The following LARP7 variants were observed in gnomAD, a reference collection of about 807,000 sequenced individuals.
LARP7 encodes La ribonucleoprotein 7, transcriptional regulator.
In LARP7, 52 loss-of-function variants were observed where a neutral mutation model predicts 69.3. The observed-to-expected ratio is 0.75, with a 90% CI of 0.60 to 0.95. LARP7 has a LOEUF of 0.95. Among genes scored for constraint, LARP7 ranks in the 40% least tolerant of loss-of-function variants. LARP7 has a pLI of 0.00. For synonymous variants in LARP7, 254 were observed against 215.9 expected (o/e 1.18, Z -1.55); for missense variants, 733 against 673.0 (o/e 1.09, Z -0.99).
chr4:112,656,879 T>C lies in LARP7; in HGVS notation c.1669-368T>C, dbSNP rs2048976087. Among the ~76,000 whole-genome samples, 3 of 152,204 alleles carry C rather than the reference T, an allele frequency of 2.0e-5. No individual in the cohort carries two copies. The South Asian group carries it at 6.2e-4, about 31-fold the overall frequency. On this transcript the variant is annotated intron_variant, in intron 12 of 12. Coordinates refer to ENST00000344442, the MANE Select transcript of LARP7 (RefSeq NM_016648.4). ...TTTTTTAGAGAAAAAGATTTGCATT[T>C]ACTCCAAAGTTTAATATTTTAACTT...
At chr4:112,641,463 G>A (rs952974592) in intron 1 of LARP7, among the ~76,000 whole-genome samples, 9 of 152,080 alleles carry the variant, frequency 5.9e-5, no homozygotes, top group Non-Finnish European at 1.0e-4. Flanking sequence ...ATATTTAAAT[G>A]GTAATTCTAT....
chr4:112,640,060 T>G (rs1490119074), intron 1 of LARP7, among the ~76,000 whole-genome samples: 1 of 152,094 alleles, frequency 6.6e-6, no homozygotes, highest in Non-Finnish European at 1.5e-5. Context: ...TGCCTCAGCC[T>G]CCCGAGTAGC....
In LARP7 at chr4:112,647,788, A is replaced by G; in HGVS notation, c.1096A>G (p.Arg366Gly). The change falls in exon 8 of 13, where the codon AGA becomes GGA. Residue 366 changes from arginine to glycine, a missense_variant. Physicochemically the swap from Arg to Gly is moderately radical, Grantham distance 125. Coordinates refer to ENST00000344442, the MANE Select transcript of LARP7 (RefSeq NM_016648.4). ...KRKHKKKHKE[R>G]HKMGEEVIPL... ...GAAACATAAGAAAAAACATAAAGAG[A>G]GACATAAAATGGGAGAAGAAGTTAT... 1.3e-6 allele frequency: 2 copies of G among 1,586,744 alleles called. No homozygotes were observed. The highest frequency in any genetic ancestry group is 1.1e-5 in the South Asian group (1 of 87,640).
At chr4:112,642,792 G>A (rs989144195) in intron 1 of LARP7, among the ~76,000 whole-genome samples, 1 of 152,190 alleles carries the variant, frequency 6.6e-6, no homozygotes. Context: ...ACTTTGACAC[G>A]TGAAAGCTTT....
chr4:112,645,973 A>G (rs995089068), intron 2 of LARP7, among the ~76,000 whole-genome samples: 47 of 151,360 alleles, frequency 3.1e-4, no homozygotes, highest in African/African-American at 1.1e-3. Flanking sequence ...CAAATATGCA[A>G]TGCCATTTAG....
intron 8 of LARP7, chr4:112,648,090 A>G: frequency 1.7e-6 from 1 of 590,714 alleles, no homozygotes. Flanking sequence ...TAACAGATGT[A>G]AAAATACAAA....
chr4:112,653,238 T>C lies in LARP7; in HGVS notation c.1576+2T>C. On this transcript the variant is annotated splice_donor_variant, in intron 11 of 12. Transcript: ENST00000344442. LOFTEE classifies it high-confidence loss of function. The stretch of plus-strand genomic sequence containing the variant: ...GCTGGAAACTCGAGATCCTTTCTGG[T>C]AAAACTTCATAGACGTTTCCTTTTT... 1 of 1,573,962 alleles carries C rather than the reference T, an allele frequency of 6.4e-7. No homozygotes were observed. The highest frequency in any genetic ancestry group is 8.6e-7 in the Non-Finnish European group (1 of 1,167,058).
At chr4:112,645,184 A>G in intron 2 of LARP7, among the ~76,000 whole-genome samples, 1 of 151,984 alleles carries the variant, frequency 6.6e-6, no homozygotes, top group Non-Finnish European at 1.5e-5. Flanking sequence ...TGACCTTGTG[A>G]TCTGCCCACC....
chr4:112,644,316 G>A (rs1578565121), intron 1 of LARP7: 1 of 317,136 alleles, frequency 3.2e-6, no homozygotes, highest in African/African-American at 2.2e-5. Flanking sequence ...TGGAGAGGAG[G>A]GGGTGTTGCG....
intron 1 of LARP7, chr4:112,644,333 AGTGTCCAC>A: frequency 3.1e-6 from 1 of 319,276 alleles, no homozygotes; most frequent in Non-Finnish European, 5.5e-6. Context: ...TGCGATGGAG[AGTGTCCAC>A]GTCCCTTAAT....
rs376323763 is a variant in LARP7, at chr4:112,649,565, T to C, written c.1173T>C (p.Tyr391=). The change falls in exon 9 of 13, where the codon TAT becomes TAC. Residue 391 remains tyrosine, a synonymous_variant. Coordinates refer to ENST00000344442, the MANE Select transcript of LARP7 (RefSeq NM_016648.4). The part of the protein sequence containing the change: ...KSEWMDLKKE[Y]LALQKASMAS... ...AATGGATGGATTTGAAAAAAGAGTATTTAGCGCTACAAAAAGCTAGCATGG... is the reference window on the plus strand; with the variant it reads ...AATGGATGGATTTGAAAAAAGAGTACTTAGCGCTACAAAAAGCTAGCATGG... 3 of 1,605,250 alleles carry C rather than the reference T, an allele frequency of 1.9e-6. No individual in the cohort carries two copies. Among genetic ancestry groups the C allele is most frequent in the Non-Finnish European group, 2.6e-6 (3 of 1,175,932 alleles).
At chr4:112,649,861 GAAT>G (rs2048632520) in intron 9 of LARP7, 175 bp downstream of exon 9, 1 of 419,668 alleles carries the variant, frequency 2.4e-6, no homozygotes, top group Non-Finnish European at 4.2e-6. Flanking sequence ...CTTGATATAA[GAAT>G]ATTTAAAAGG....
chr4:112,646,251 T>G lies in LARP7; in HGVS notation c.203-100T>G, dbSNP rs1205415264. The stretch of plus-strand genomic sequence containing the variant: ...TCCCAAAGTACTAGGATTACAGGCA[T>G]GAGCCACCGAGCCTGAGGGCCTGAG... On this transcript the variant is annotated intron_variant, in intron 2 of 12. Coordinates refer to ENST00000344442, the MANE Select transcript of LARP7 (RefSeq NM_016648.4). 27 of 591,082 alleles carry G rather than the reference T, an allele frequency of 4.6e-5. No individual in the cohort carries two copies. The East Asian group carries it at 8.1e-4, about 18-fold the overall frequency. The allele number at this position is 591,082 out of a possible 1,614,324, so 36.6% of individuals were successfully genotyped here. A position where few individuals can be genotyped will look rare whatever the true frequency, so the allele number is the denominator to read the frequency against.
chr4:112,647,016 C>T lies in LARP7; in HGVS notation c.553-18C>T. ...AAGAAAACAAGTATTAAAATAGTAA[C>T]TTTTGCAATCATTTCAGTTTCTTAA... On this transcript the variant is annotated intron_variant, in intron 5 of 12. Coordinates refer to ENST00000344442, the MANE Select transcript of LARP7 (RefSeq NM_016648.4). 6.3e-7 allele frequency: 1 copy of T among 1,589,800 alleles called. No individual in the cohort carries two copies. Among genetic ancestry groups the T allele is most frequent in the East Asian group, 2.2e-5 (1 of 44,720 alleles).
intron 12 of LARP7, chr4:112,654,486 T>G: frequency 5.1e-6 from 1 of 196,784 alleles, no homozygotes; most frequent in Non-Finnish European, 1.1e-5. Flanking sequence ...ATCTTCATGG[T>G]AAAAACACAA....
chr4:112,648,051 G>T lies in LARP7; in HGVS notation c.1142+217G>T, dbSNP rs138673224. 1.7e-3 allele frequency: 1,116 copies of T among 646,320 alleles called. 9 individuals are homozygous for T. Among genetic ancestry groups the T allele is most frequent in the African/African-American group, 0.012 (696 of 56,438 alleles). The allele number at this position is 646,320 out of a possible 1,614,324, so 40.0% of individuals were successfully genotyped here. The stretch of plus-strand genomic sequence containing the variant: ...TTATTTTTGTCATGTCACAGCAAGT[G>T]CCTCCATGTTAAAGTAGAGGGGGCC... On this transcript the variant is annotated intron_variant, in intron 8 of 12. Transcript: ENST00000344442.
chr4:112,645,369 T>C (rs1344635541), intron 2 of LARP7, among the ~76,000 whole-genome samples: 4 of 152,224 alleles, frequency 2.6e-5, no homozygotes, highest in Non-Finnish European at 5.9e-5. Context: ...GTTTAGGCTA[T>C]ATTAAATAAG....
chr4:112,646,028 C>T (rs541093760), intron 2 of LARP7, among the ~76,000 whole-genome samples: 1 of 151,856 alleles, frequency 6.6e-6, no homozygotes, highest in South Asian at 2.1e-4. Flanking sequence ...GAGTCTCTTT[C>T]TCCCAGGCTG....
At chr4:112,640,827 A>G (rs1440171835) in intron 1 of LARP7, among the ~76,000 whole-genome samples, 2 of 152,242 alleles carry the variant, frequency 1.3e-5, no homozygotes, top group Non-Finnish European at 2.9e-5. Flanking sequence ...ATTGAGCGGA[A>G]AGAGGTAAGT....
Sources: allele counts gnomAD v4.1 joint callset (sites outside exome capture counted in the v4.1 genomes callset), GRCh38; gene constraint gnomAD v4.1.1; transcripts MANE v1.5; gene names NCBI Gene and HGNC (gene_info 2026-07-23, HGNC 2026-07-21).